MUC4: variants seen among roughly 807,000 people sequenced by gnomAD.
MUC4 encodes the protein mucin 4, cell surface associated, also known as mucin-4.
In MUC4, 202 loss-of-function variants were observed where a neutral mutation model predicts 257.9. That is an observed-to-expected ratio of 0.78 (90% confidence interval 0.70 to 0.88). The LOEUF is 0.88. MUC4 is among the 40% of genes least tolerant of loss of function. The probability of loss-of-function intolerance (pLI) is 0.00; values close to 1 mark genes in which losing one functional copy is unlikely to be tolerated. For missense variants in MUC4, 5,976 were observed against 6,513.7 expected (o/e 0.92, Z 2.84); for synonymous variants, 2,351 against 2,757.1 (o/e 0.85, Z 4.62).
Position 195,790,678 on chromosome 3 carries a change from T to A in MUC4, c.902A>T (p.Asp301Val). The A allele has an allele frequency of 6.2e-7, 1 of 1,613,952 alleles. No homozygotes were observed. Among genetic ancestry groups the A allele is most frequent in the Non-Finnish European group, 8.5e-7 (1 of 1,179,888 alleles). Residue 301 changes from aspartate to valine, a missense_variant, in exon 2 of 25, where the codon GAT becomes GTT. Physicochemically the swap from Asp to Val is radical, Grantham distance 152 (BLOSUM62 -3). This residue lies in a region of MUC4 where 1,583 missense variants were observed against 1,257.4 expected (regional missense o/e 1.26). Transcript: ENST00000463781. ...AGTTGCTGGTGATTGTCCTTCTGGA[T>A]CAAATGTTACTAAGGCTGCTGAGGT... is the stretch of plus-strand genomic sequence containing the variant. ...PVTSAALVTF[D>V]PEGQSPATFS...
At position 195,780,293 on chromosome 3, in the gene MUC4, C is replaced by G; in HGVS notation, c.11287G>C (p.Val3763Leu). 3.9e-6 allele frequency: 6 copies of G among 1,523,212 alleles called. No homozygotes were observed. The highest frequency in any genetic ancestry group is 1.2e-5 in the South Asian group (1 of 82,662). The allele number at this position is 1,523,212 out of a possible 1,614,324, so 94.4% of individuals were successfully genotyped here. ...ASTGHATPLL[V>L]TDASSVSTGH... Reference sequence around the variant, plus strand: ...GTGGACACTGAGGAAGCGTCGGTGACAAGAAGAGGGGTGGCGTGACCTGTG... The same window carrying G: ...GTGGACACTGAGGAAGCGTCGGTGAGAAGAAGAGGGGTGGCGTGACCTGTG... Residue 3763 changes from valine (V) to leucine (L), a missense_variant, in exon 2 of 25, where the codon GTC (valine) becomes CTC (leucine). By Grantham distance (32) the Val-to-Leu change is conservative. Coordinates refer to ENST00000463781, the MANE Select transcript of MUC4 (RefSeq NM_018406.7).
intron 3 of MUC4, among the ~76,000 whole-genome samples, chr3:195,776,803 ACCCATACCTTCCACG>A (rs1724901956): frequency 2.7e-5 from 2 of 72,728 alleles, no homozygotes; most frequent in Non-Finnish European, 5.2e-5. Flanking sequence ...TACCTTCCAC[ACCCATACCTTCCACG>A]GCCATACCTT....
At chr3:195,805,405 G>A (rs553936250) in intron 1 of MUC4, among the ~76,000 whole-genome samples, 2 of 152,238 alleles carry the variant, frequency 1.3e-5, no homozygotes, top group South Asian at 4.2e-4. Flanking sequence ...TTTCCCCAAC[G>A]CCTCCTTCTC....
chr3:195,760,751 A>C, intron 16 of MUC4, 133 bp downstream of exon 16: 1 of 753,708 alleles, frequency 1.3e-6, no homozygotes, highest in Non-Finnish European at 2.3e-6. Flanking sequence ...GAAGGGTTTG[A>C]GCAGAGGAAT....
chr3:195,767,268 A>G (rs1274517929), intron 7 of MUC4, among the ~76,000 whole-genome samples: 1 of 152,142 alleles, frequency 6.6e-6, no homozygotes, highest in East Asian at 1.9e-4. Context: ...AGTGGCATCT[A>G]CCTCACTGTA....
chr3:195,765,255 G>A lies in MUC4; in HGVS notation c.13798+15C>T. 1.2e-6 allele frequency: 2 copies of A among 1,601,158 alleles called. No homozygotes were observed. Among genetic ancestry groups the A allele is most frequent in the Non-Finnish European group, 1.7e-6 (2 of 1,171,598 alleles). ...GTGGTGGGTGGGCTTGTGGGGGGCGGGAAGGAGGTGTCACCTATGCTGACG... is the reference window on the plus strand; with the variant it reads ...GTGGTGGGTGGGCTTGTGGGGGGCGAGAAGGAGGTGTCACCTATGCTGACG... On this transcript the variant is annotated intron_variant, in intron 9 of 24. Transcript: ENST00000463781.
rs1391826898 is a variant in MUC4, at chr3:195,762,265, G to T, written c.14345-11C>A. On this transcript the variant is annotated splice_polypyrimidine_tract_variant and intron_variant, in intron 13 of 24. Coordinates refer to ENST00000463781, the MANE Select transcript of MUC4 (RefSeq NM_018406.7). ...TGAACGTCTCCTGGCCTGGAGCATC[G>T]GGAGGCAGCGGAGAGGAAGCCAGGT... is the stretch of plus-strand genomic sequence containing the variant. 6.4e-7 allele frequency: 1 copy of T among 1,563,286 alleles called. No homozygotes were observed. The highest frequency in any genetic ancestry group is 8.7e-7 in the Non-Finnish European group (1 of 1,153,540).
Position 195,763,365 on chromosome 3 carries a change from G to C in MUC4, c.14253+68C>G. ...CTCCTTCGCTCTCTTCCTTCTCCTC[G>C]GCCTCAGTATGTGGCTGAAGGTCCC... On this transcript the variant is annotated intron_variant, in intron 12 of 24. Coordinates refer to ENST00000463781, the MANE Select transcript of MUC4 (RefSeq NM_018406.7). 3 of 1,346,790 alleles carry C rather than the reference G, an allele frequency of 2.2e-6. No homozygotes were observed. In the East Asian group the frequency reaches 8.7e-5, roughly 39 times the overall value. 83.4% of individuals were successfully genotyped at this position (1,346,790 alleles called of 1,614,324 possible).
At chr3:195,795,873 G>A (rs1010114666) in intron 1 of MUC4, among the ~76,000 whole-genome samples, 1 of 146,426 alleles carries the variant, frequency 6.8e-6, no homozygotes, top group Non-Finnish European at 1.5e-5. Flanking sequence ...GAGAGAGAGA[G>A]ACAGAAAAGA....
Position 195,747,223 on chromosome 3 carries a change from C to G in MUC4, c.16192G>C (p.Gly5398Arg). ...FVVLRFWGCS[G>R]ARFSYFLNSA... ...TTCAGGAAATAGGAGAACCTGGCCC[C>G]GGAGCAACCCCAGAAGCGCAGGACC... The change falls in exon 25 of 25, where the codon GGG becomes CGG. Residue 5398 changes from glycine to arginine, a missense_variant. Around this residue, in one of 44 missense-constraint regions of MUC4, gnomAD observed 310 missense variants for 242.1 expected, o/e 1.28. Coordinates refer to ENST00000463781, the MANE Select transcript of MUC4 (RefSeq NM_018406.7). 6.2e-7 allele frequency: 1 copy of G among 1,614,260 alleles called. No homozygotes were observed. Among genetic ancestry groups the G allele is most frequent in the Non-Finnish European group, 8.5e-7 (1 of 1,180,052 alleles).
At chr3:195,775,877 A>T (rs375061851) in intron 3 of MUC4, among the ~76,000 whole-genome samples, 5 of 125,860 alleles carry the variant, frequency 4.0e-5, no homozygotes, top group African/African-American at 1.5e-4. Flanking sequence ...TTCCACACCC[A>T]TACCTTCCAC....
chr3:195,772,005 G>A lies in MUC4; in HGVS notation c.13078-189C>T, dbSNP rs368708945. Among the ~76,000 whole-genome samples the A allele has an allele frequency of 6.8e-4, 103 of 152,258 alleles. 3 individuals are homozygous for A. The highest frequency in any genetic ancestry group is 1.1e-3 in the Admixed American group (17 of 15,308). On this transcript the variant is annotated intron_variant, in intron 4 of 24. Transcript: ENST00000463781. ...TCCATATATTCTCACAGAATGCTCCGCCCTCAGGCCATCCCTTGCGTCCTC... is the reference window on the plus strand; with the variant it reads ...TCCATATATTCTCACAGAATGCTCCACCCTCAGGCCATCCCTTGCGTCCTC...
At chr3:195,769,291 G>T (rs1722290489) in intron 6 of MUC4, 139 bp from the exon 7 acceptor site, 1 of 1,303,014 alleles carries the variant, frequency 7.7e-7, no homozygotes, top group East Asian at 2.6e-5. Context: ...AAAGACATGG[G>T]CCCAAAATGC....
chr3:195,754,912 T>TATC (rs1553853174), intron 18 of MUC4, among the ~76,000 whole-genome samples: 4 of 150,334 alleles, frequency 2.7e-5, no homozygotes, highest in Non-Finnish European at 5.9e-5. Context: ...TATGTGTGTG[T>TATC]CATGCATGTA....
At chr3:195,795,442 A>G (rs537078557) in intron 1 of MUC4, among the ~76,000 whole-genome samples, 1 of 152,306 alleles carries the variant, frequency 6.6e-6, no homozygotes, top group South Asian at 2.1e-4. Context: ...CTAATAGCAA[A>G]ACCAGCCAAT....
chr3:195,749,611 T>G (rs1715947857), intron 23 of MUC4, among the ~76,000 whole-genome samples: 1 of 152,184 alleles, frequency 6.6e-6, no homozygotes, highest in Non-Finnish European at 1.5e-5. Flanking sequence ...TGGTAATGAT[T>G]ATTATAATGT....
At chr3:195,804,838 A>C (rs1578490291) in intron 1 of MUC4, among the ~76,000 whole-genome samples, 1 of 152,222 alleles carries the variant, frequency 6.6e-6, no homozygotes. Context: ...AACTGTGACC[A>C]GGGTTGTGTC....
intron 5 of MUC4, among the ~76,000 whole-genome samples, chr3:195,771,177 T>C (rs866120255): frequency 0.091 from 2,261 of 24,864 alleles, 102 homozygotes; most frequent in East Asian, 0.2. Context: ...AGTCTCGTGG[T>C]TGGGTTGGGG....
Position 195,780,207 on chromosome 3 carries a change from G to A in MUC4, c.11373C>T (p.Thr3791=), listed in dbSNP as rs765314023. The change falls in exon 2 of 25, where the codon ACC becomes ACT. Residue 3791 remains threonine, a synonymous_variant. Coordinates refer to ENST00000463781, the MANE Select transcript of MUC4 (RefSeq NM_018406.7). ...DASSASTGDT[T]PLPVTDTSSA... The stretch of plus-strand genomic sequence containing the variant: ...AGGAAGTGTCGGTGACAGGAAGAGG[G>A]GTGGTGTCACCTGTGGATGCTGAGG... 1.9e-5 allele frequency: 27 copies of A among 1,453,272 alleles called. 3 individuals carry two copies. Among genetic ancestry groups the A allele is most frequent in the Middle Eastern group, 4.5e-4 (2 of 4,426 alleles). 90.0% of individuals were successfully genotyped at this position (1,453,272 alleles called of 1,614,324 possible). A position where few individuals can be genotyped will look rare whatever the true frequency, so the allele number is the denominator to read the frequency against.
Sources: gnomAD v4.1 joint callset for allele counts (sites outside exome capture counted in the v4.1 genomes callset) on GRCh38, gnomAD v4.1.1 for gene constraint, gnomAD v4.1.1 regional missense constraint, MANE v1.5 for transcripts, NCBI Gene and HGNC (gene_info 2026-07-23, HGNC 2026-07-21) for gene names.